SERPINB9: variants seen among roughly 807,000 people sequenced by gnomAD.
SERPINB9 encodes the protein serpin family B member 9.
In SERPINB9, 20 loss-of-function variants were observed where a neutral mutation model predicts 27.2. That is an observed-to-expected ratio of 0.74 (90% confidence interval 0.52 to 1.07). The LOEUF is 1.07. Among genes scored for constraint, SERPINB9 ranks in the 50% least tolerant of loss-of-function variants. SERPINB9 has a pLI of 0.00. For missense variants in SERPINB9, 476 were observed against 460.1 expected (o/e 1.03, Z -0.32); for synonymous variants, 189 against 180.0 (o/e 1.05, Z -0.40).
Position 2,889,820 on chromosome 6 carries a change from A to G in SERPINB9, c.*343T>C, listed in dbSNP as rs1416451014. On this transcript the variant is annotated 3_prime_UTR_variant, in exon 7 of 7. Coordinates refer to ENST00000380698, the MANE Select transcript of SERPINB9 (RefSeq NM_004155.6). ...TAGCACCATTTATTACCACTGAGGC[A>G]GCGGGTTAAGGAATGTATTCGCAGT... The G allele has an allele frequency of 9.2e-6, 2 of 217,786 alleles. No individual in the cohort carries two copies. The highest frequency in any genetic ancestry group is 1.8e-5 in the Non-Finnish European group (2 of 109,264). The allele number at this position is 217,786 out of a possible 1,614,324, so 13.5% of individuals were successfully genotyped here.
Position 2,893,400 on chromosome 6 carries a change from GCTTCC to G in SERPINB9, c.567+6_567+10del, listed in dbSNP as rs1349992492. ...CATCAAACTAGCAGGATTTTAAAAA[GCTTCC>G]CCCACCTGGTTTATTTTAAAGGGCA... On this transcript the variant is annotated splice_donor_region_variant and intron_variant, in intron 5 of 6. Transcript: ENST00000380698. 2 of 1,592,176 alleles carry G rather than the reference GCTTCC, an allele frequency of 1.3e-6. No individual in the cohort carries two copies. The highest frequency in any genetic ancestry group is 2.3e-5 in the South Asian group (2 of 87,294).
Position 2,890,146 on chromosome 6 carries a change from C to T in SERPINB9, c.*17G>A, listed in dbSNP as rs1453738012. ...ACAGGAAGAGGGAAATGGCCGAGTG[C>T]ACGGTAAGTGCACCCTTTATGGCGA... On this transcript the variant is annotated 3_prime_UTR_variant, in exon 7 of 7. Transcript: ENST00000380698. This position sits in a 1 kb window ranked among gnomAD's most constrained non-coding sequence, Gnocchi z 6.2. 1 of 1,599,458 alleles carries T rather than the reference C, an allele frequency of 6.3e-7. No homozygotes were observed.
At position 2,890,374 on chromosome 6, in the gene SERPINB9, C is replaced by G; in HGVS notation, c.920G>C (p.Arg307Thr). Residue 307 changes from arginine (R) to threonine (T), a missense_variant, in exon 7 of 7, where the codon AGA becomes ACA. Transcript: ENST00000380698. The surrounding 1 kb of genome is among the most constrained non-coding windows in gnomAD (Gnocchi z 6.2). ...CACGAACTTGGACAGACACAGGTCT[C>G]TCTCCGCTGACATTGCCGACAAGTC... ...KADLSAMSAE[R>T]DLCLSKFVHK... The G allele has an allele frequency of 3.1e-6, 5 of 1,614,228 alleles. No homozygotes were observed. Among genetic ancestry groups the G allele is most frequent in the South Asian group, 1.1e-5 (1 of 91,084 alleles).
intron 5 of SERPINB9, 68 bp downstream of exon 5, chr6:2,893,343 T>C (rs1767889177): frequency 6.6e-7 from 1 of 1,522,406 alleles, no homozygotes; most frequent in Admixed American, 1.9e-5. Flanking sequence ...ACTTACACTT[T>C]TACAAAGTTA....
chr6:2,902,556 G>A (rs1768241430), intron 1 of SERPINB9, among the ~76,000 whole-genome samples: 1 of 152,204 alleles, frequency 6.6e-6, no homozygotes, highest in Non-Finnish European at 1.5e-5. Flanking sequence ...GTCTCACTCT[G>A]TCTGCCAGGC....
In SERPINB9 at chr6:2,890,272, C is replaced by T; in HGVS notation, c.1022G>A (p.Cys341Tyr). The T allele has an allele frequency of 1.9e-6, 3 of 1,614,222 alleles. No homozygotes were observed. The highest frequency in any genetic ancestry group is 2.2e-5 in the East Asian group (1 of 44,878). ...AASSCFVVAE[C>Y]CMESGPRFCA... ...GAACCTGGGGCCAGATTCCATGCAG[C>T]ACTCTGCAACTACAAAGCAGCTCGA... The change falls in exon 7 of 7, where the codon TGC (cysteine) becomes TAC (tyrosine). Residue 341 changes from cysteine (C) to tyrosine (Y), a missense_variant. By Grantham distance (194) the Cys-to-Tyr change is radical. Transcript: ENST00000380698. This position sits in a 1 kb window ranked among gnomAD's most constrained non-coding sequence, Gnocchi z 6.2.
Position 2,890,056 on chromosome 6 carries a change from G to C in SERPINB9, c.*107C>G. 9.3e-7 allele frequency: 1 copy of C among 1,070,162 alleles called. No homozygotes were observed. 66.3% of individuals were successfully genotyped at this position (1,070,162 alleles called of 1,614,324 possible). ...ATGAGGGCAGACAGGTAAAGAATCT[G>C]CCCTCATCTTTGCACTTGGCTTTCT... On this transcript the variant is annotated 3_prime_UTR_variant, in exon 7 of 7. Transcript: ENST00000380698. The surrounding 1 kb of genome is among the most constrained non-coding windows in gnomAD (Gnocchi z 6.2).
rs188760325 is a variant in SERPINB9, at chr6:2,898,694, G to A, written c.168+1750C>T. 6.8e-4 allele frequency among the ~76,000 whole-genome samples: 104 copies of A among 152,022 alleles called. 1 individual carries two copies. The highest frequency in any genetic ancestry group is 2.4e-3 in the African/African-American group (100 of 41,438). ...CTGGGCGTGGGGGCGGGCACCTGTA[G>A]TCCCAGCTACTCGGGAGGCTGAGGT... On this transcript the variant is annotated intron_variant, in intron 2 of 6. Coordinates refer to ENST00000380698, the MANE Select transcript of SERPINB9 (RefSeq NM_004155.6).
At chr6:2,899,953 C>T in intron 2 of SERPINB9, 1 of 455,934 alleles carries the variant, frequency 2.2e-6, no homozygotes, top group Non-Finnish European at 4.4e-6. Context: ...TGAGCAGTAC[C>T]TGCACAGTGT....
At position 2,895,445 on chromosome 6, in the gene SERPINB9, C is replaced by T. The variant is rs141809528; in HGVS notation, c.370G>A (p.Ala124Thr). 8 of 1,613,726 alleles carry T rather than the reference C, an allele frequency of 5.0e-6. No homozygotes were observed. In the African/African-American group the frequency reaches 1.1e-4, roughly 22 times the overall value. ...AELKELSFIR[A>T]AEESRKHINT... is the part of the protein sequence containing the mutation. ...ATGTGTTTCCTGGACTCTTCTGCAG[C>T]TCTGATAAAGGAAAGCTCCTTCAGC... is the stretch of plus-strand genomic sequence containing the variant. Residue 124 changes from alanine (A) to threonine (T), a missense_variant, in exon 4 of 7, where the codon GCT (alanine) becomes ACT (threonine). Coordinates refer to ENST00000380698, the MANE Select transcript of SERPINB9 (RefSeq NM_004155.6).
At chr6:2,893,039 A>C (rs1581194307) in intron 5 of SERPINB9, among the ~76,000 whole-genome samples, 2 of 134,566 alleles carry the variant, frequency 1.5e-5, no homozygotes, top group Non-Finnish European at 1.6e-5. Context: ...CCCACATATC[A>C]CACTACCTTA....
intron 5 of SERPINB9, 33 bp from the exon 6 acceptor site, chr6:2,892,021 A>T (rs777750363): frequency 1.8e-5 from 29 of 1,608,332 alleles, no homozygotes; most frequent in Middle Eastern, 1.7e-4. Flanking sequence ...ACGCAATTAA[A>T]ACTTTCAAAA....
At position 2,890,423 on chromosome 6, in the gene SERPINB9, C is replaced by T. The variant is rs1421832841; in HGVS notation, c.871G>A (p.Asp291Asn). ...ESVLRHLGIV[D>N]AFQQGKADLS... ...TCAGCCTTGCCCTGTTGGAAGGCAT[C>T]AACAATTCCCAAATGCCGAAGCACA... The change falls in exon 7 of 7, where the codon GAT (aspartate) becomes AAT (asparagine). Residue 291 changes from aspartate (D) to asparagine (N), a missense_variant. Transcript: ENST00000380698. This position sits in a 1 kb window ranked among gnomAD's most constrained non-coding sequence, Gnocchi z 6.2. 6.2e-7 allele frequency: 1 copy of T among 1,614,216 alleles called. No individual in the cohort carries two copies. The highest frequency in any genetic ancestry group is 1.3e-5 in the African/African-American group (1 of 75,042).
Position 2,896,130 on chromosome 6 carries a change from C to T in SERPINB9, c.229G>A (p.Val77Met), listed in dbSNP as rs1767989623. 6 of 1,614,172 alleles carry T rather than the reference C, an allele frequency of 3.7e-6. No homozygotes were observed. Among genetic ancestry groups the T allele is most frequent in the Non-Finnish European group, 5.1e-6 (6 of 1,180,026 alleles). Residue 77 changes from valine (V) to methionine (M), a missense_variant, in exon 3 of 7, where the codon GTG (valine) becomes ATG (methionine). Transcript: ENST00000380698. ...AGGTACTGTGTGCCAGCCTTGTTCA[C>T]TTCAGTGAGAAGCGACTGGAAAGCC... ...HRAFQSLLTE[V>M]NKAGTQYLLR...
At chr6:2,892,086 T>A in intron 5 of SERPINB9, 98 bp from the exon 6 acceptor site, 2 of 555,354 alleles carry the variant, frequency 3.6e-6, no homozygotes, top group Non-Finnish European at 5.9e-6. Flanking sequence ...AACCGCCACA[T>A]TCATGCCCCA....
In SERPINB9 at chr6:2,890,319, T is replaced by C. The variant is rs113865730; in HGVS notation, c.975A>G (p.Glu325=). 7 of 1,614,210 alleles carry C rather than the reference T, an allele frequency of 4.3e-6. No homozygotes were observed. The South Asian group carries it at 7.7e-5, about 18-fold the overall frequency. The change falls in exon 7 of 7, where the codon GAA becomes GAG. Residue 325 remains glutamate (E), a synonymous_variant. Coordinates refer to ENST00000380698, the MANE Select transcript of SERPINB9 (RefSeq NM_004155.6). The surrounding 1 kb of genome is among the most constrained non-coding windows in gnomAD (Gnocchi z 6.2). The stretch of plus-strand genomic sequence containing the variant: ...TCGACGCTGCCGCTGCCTCGGTGCC[T>C]TCTTCATTCACCTCCACAAAACTCT... ...VHKSFVEVNE[E]GTEAAAASSC... is the part of the protein sequence containing the mutation.
At position 2,890,210 on chromosome 6, in the gene SERPINB9, T is replaced by C. The variant is rs1804731; in HGVS notation, c.1084A>G (p.Asn362Asp). 2.7e-5 allele frequency: 44 copies of C among 1,614,092 alleles called. No individual in the cohort carries two copies. The highest frequency in any genetic ancestry group is 3.7e-5 in the Non-Finnish European group (44 of 1,180,040). ...DHPFLFFIRH[N>D]RANSILFCGR... ...CAGAACAGAATGCTGTTGGCTCTGT[T>C]GTGCCTGATGAAGAAAAGGAAAGGG... Residue 362 changes from asparagine (N) to aspartate (D), a missense_variant, in exon 7 of 7, where the codon AAC becomes GAC. Asn to Asp is a conservative substitution (Grantham distance 23). Coordinates refer to ENST00000380698, the MANE Select transcript of SERPINB9 (RefSeq NM_004155.6). This position sits in a 1 kb window ranked among gnomAD's most constrained non-coding sequence, Gnocchi z 6.2.
chr6:2,892,737 A>G (rs958260605), intron 5 of SERPINB9, among the ~76,000 whole-genome samples: 2 of 152,184 alleles, frequency 1.3e-5, no homozygotes, highest in African/African-American at 4.8e-5. Flanking sequence ...CACCTTACAA[A>G]AAATGCAGGA....
chr6:2,902,179 T>G (rs1368702943), intron 1 of SERPINB9, among the ~76,000 whole-genome samples: 2 of 152,190 alleles, frequency 1.3e-5, no homozygotes, highest in Non-Finnish European at 2.9e-5. Flanking sequence ...TTGGTCCCCC[T>G]TAGAAGGCCC....
Sources: gnomAD v4.1 joint callset for allele counts (sites outside exome capture counted in the v4.1 genomes callset) on GRCh38, gnomAD v4.1.1 for gene constraint, Gnocchi (gnomAD v3.1) non-coding constraint, MANE v1.5 for transcripts, NCBI Gene and HGNC (gene_info 2026-07-23, HGNC 2026-07-21) for gene names.